The following PLCL1 variants were observed in gnomAD, a reference collection of about 807,000 sequenced individuals.
The protein encoded by PLCL1 is inactive phospholipase C-like protein 1.
In PLCL1, 41 loss-of-function variants were observed where a neutral mutation model predicts 84.4. The observed-to-expected ratio is 0.49, with a 90% CI of 0.38 to 0.63. PLCL1 has a LOEUF of 0.63. Among genes scored for constraint, PLCL1 ranks in the 30% least tolerant of loss-of-function variants. The pLI is 0.00. For missense variants in PLCL1, 1,206 were observed against 1,367.8 expected (o/e 0.88, Z 1.87); for synonymous variants, 490 against 488.3 (o/e 1.00, Z -0.05).
intron 1 of PLCL1, among the ~76,000 whole-genome samples, chr2:197,991,982 C>T (rs1216205686): frequency 6.6e-6 from 1 of 152,172 alleles, no homozygotes; most frequent in Non-Finnish European, 1.5e-5. Flanking sequence ...ATGCTTTGCT[C>T]AGCTCTGCAC....
chr2:197,883,367 T>G (rs1381181720), intron 1 of PLCL1, among the ~76,000 whole-genome samples: 2 of 152,212 alleles, frequency 1.3e-5, no homozygotes, highest in African/African-American at 4.8e-5. Context: ...GAAGAAGTTA[T>G]AGACACACGA....
intron 1 of PLCL1, among the ~76,000 whole-genome samples, chr2:197,880,005 A>C (rs916357101): frequency 1.3e-5 from 2 of 152,212 alleles, no homozygotes; most frequent in Non-Finnish European, 2.9e-5. Context: ...TTTTGTTTTC[A>C]CATACTGCTA....
At chr2:198,045,152 C>T (rs1691756314) in intron 1 of PLCL1, among the ~76,000 whole-genome samples, 1 of 152,048 alleles carries the variant, frequency 6.6e-6, no homozygotes, top group African/African-American at 2.4e-5. Context: ...AGTTTTATAC[C>T]TTGATTAGAA....
rs754234678 is a variant in PLCL1, at chr2:198,085,232, A to G, written c.1715A>G (p.Tyr572Cys). The G allele has an allele frequency of 4.3e-6, 7 of 1,614,026 alleles. No homozygotes were observed. The highest frequency in any genetic ancestry group is 5.1e-6 in the Non-Finnish European group (6 of 1,179,954). The part of the protein sequence containing the change: ...AEMSRRMSVD[Y>C]NGEQKQIRLC... Reference sequence around the variant, plus strand: ...ATGTCTCGAAGGATGTCGGTAGATTACAATGGTGAGCAGAAGCAAATCCGA... The same window carrying G: ...ATGTCTCGAAGGATGTCGGTAGATTGCAATGGTGAGCAGAAGCAAATCCGA... Residue 572 changes from tyrosine to cysteine, a missense_variant, in exon 2 of 6, where the codon TAC becomes TGC. Physicochemically the swap from Tyr to Cys is radical, Grantham distance 194. Transcript: ENST00000428675. The surrounding 1 kb of genome is among the most constrained non-coding windows in gnomAD (Gnocchi z 5.3).
At chr2:198,017,140 A>G (rs1023139152) in intron 1 of PLCL1, among the ~76,000 whole-genome samples, 2 of 152,206 alleles carry the variant, frequency 1.3e-5, no homozygotes, top group African/African-American at 4.8e-5. Context: ...GTGTATTTTT[A>G]TTATGATTAA....
intron 3 of PLCL1, 83 bp downstream of exon 3, chr2:198,089,144 A>G (rs959207764): frequency 1.8e-5 from 17 of 963,562 alleles, no homozygotes; most frequent in African/African-American, 1.8e-4. Context: ...TGGAACTCCA[A>G]TGAATAACAC....
intron 1 of PLCL1, among the ~76,000 whole-genome samples, chr2:197,964,534 C>T (rs186464592): frequency 1.1e-4 from 17 of 152,124 alleles, no homozygotes; most frequent in African/African-American, 4.1e-4. Flanking sequence ...TAAGATCATA[C>T]CATCTGCAAA....
At chr2:198,119,589 G>T (rs902533371) in intron 5 of PLCL1, among the ~76,000 whole-genome samples, 2 of 151,842 alleles carry the variant, frequency 1.3e-5, no homozygotes, top group East Asian at 3.9e-4. Context: ...TCCAGCACTA[G>T]TGTTATCCAT....
At chr2:197,948,275 G>A (rs1689321440) in intron 1 of PLCL1, among the ~76,000 whole-genome samples, 1 of 152,156 alleles carries the variant, frequency 6.6e-6, no homozygotes, top group Admixed American at 6.5e-5. Context: ...CGCTGGAGTA[G>A]AAACAGGTTT....
intron 1 of PLCL1, among the ~76,000 whole-genome samples, chr2:197,970,551 A>G (rs1266966699): frequency 6.6e-6 from 1 of 152,200 alleles, no homozygotes; most frequent in Non-Finnish European, 1.5e-5. Flanking sequence ...TATCTCAATA[A>G]TTTTTGAATA....
chr2:198,107,108 C>G (rs1354483126), intron 5 of PLCL1, among the ~76,000 whole-genome samples: 1 of 151,876 alleles, frequency 6.6e-6, no homozygotes, highest in Non-Finnish European at 1.5e-5. Context: ...CCACAGGAAA[C>G]TTACAGTCAT....
chr2:197,986,504 C>T (rs1295452854), intron 1 of PLCL1, among the ~76,000 whole-genome samples: 1 of 152,128 alleles, frequency 6.6e-6, no homozygotes, highest in Admixed American at 6.5e-5. Flanking sequence ...TCATGCACCA[C>T]AATGCCTGGT....
At chr2:197,931,516 G>A (rs1688931388) in intron 1 of PLCL1, among the ~76,000 whole-genome samples, 1 of 151,830 alleles carries the variant, frequency 6.6e-6, no homozygotes, top group African/African-American at 2.4e-5. Flanking sequence ...CCTTTTTATG[G>A]CAGAAGCTAC....
intron 1 of PLCL1, among the ~76,000 whole-genome samples, chr2:197,875,259 T>C (rs1185649978): frequency 6.6e-6 from 1 of 152,032 alleles, no homozygotes; most frequent in African/African-American, 2.4e-5. Context: ...GTACTCCAGT[T>C]TGGGTGACAG....
chr2:198,124,101 A>G (rs1574329252), intron 5 of PLCL1, among the ~76,000 whole-genome samples: 1 of 152,140 alleles, frequency 6.6e-6, no homozygotes, highest in East Asian at 1.9e-4. Flanking sequence ...AAACTCCACA[A>G]TTTTCTCTTG....
intron 1 of PLCL1, among the ~76,000 whole-genome samples, chr2:197,850,039 C>CAG (rs201107206): frequency 8.8e-6 from 1 of 113,294 alleles, no homozygotes; most frequent in Non-Finnish European, 1.7e-5. Flanking sequence ...CAGACACACA[C>CAG]ACACACACAC....
At chr2:198,103,590 A>G (rs1219695179) in intron 4 of PLCL1, among the ~76,000 whole-genome samples, 1 of 151,880 alleles carries the variant, frequency 6.6e-6, no homozygotes, top group Non-Finnish European at 1.5e-5. Context: ...GTCATTTTCT[A>G]TGGCTCCTGG....
intron 1 of PLCL1, among the ~76,000 whole-genome samples, chr2:197,807,841 A>C (rs1277890137): frequency 2.0e-5 from 3 of 152,218 alleles, no homozygotes; most frequent in African/African-American, 4.8e-5. Flanking sequence ...GAATCATCAA[A>C]TATTAAATTC....
chr2:197,889,013 GT>G (rs1353945261), intron 1 of PLCL1, among the ~76,000 whole-genome samples: 2 of 152,056 alleles, frequency 1.3e-5, no homozygotes, highest in Non-Finnish European at 2.9e-5. Context: ...TTTATTTGCA[GT>G]TTTTTTAGAT....
Sources: allele counts gnomAD v4.1 joint callset (sites outside exome capture counted in the v4.1 genomes callset), GRCh38; gene constraint gnomAD v4.1.1; non-coding constraint Gnocchi (gnomAD v3.1); transcripts MANE v1.5; gene names NCBI Gene and HGNC (gene_info 2026-07-23, HGNC 2026-07-21).